Variants in SHANK2 observed in about 807,000 individuals in gnomAD.
The protein encoded by SHANK2 is SH3 and multiple ankyrin repeat domains 2.
A neutral mutation model predicts 133.7 loss-of-function variants in SHANK2; 43 were observed. The observed-to-expected ratio is 0.32, with a 90% CI of 0.25 to 0.41. SHANK2 has a LOEUF of 0.41. SHANK2 is among the 10% of genes least tolerant of loss of function. The probability of loss-of-function intolerance (pLI) is 1.00; values close to 1 mark genes in which losing one functional copy is unlikely to be tolerated. For synonymous variants in SHANK2, 1,017 were observed against 952.8 expected (o/e 1.07, Z -1.24); for missense variants, 1,994 against 2,235.8 (o/e 0.89, Z 2.18).
chr11:70,811,541 C>A (rs1440018034), intron 12 of SHANK2, among the ~76,000 whole-genome samples: 1 of 151,976 alleles, frequency 6.6e-6, no homozygotes, highest in East Asian at 1.9e-4. Flanking sequence ...ACCCACTCAT[C>A]CACCCACTAT....
At chr11:70,505,229 A>G (rs1375086264) in intron 17 of SHANK2, among the ~76,000 whole-genome samples, 3 of 152,092 alleles carry the variant, frequency 2.0e-5, no homozygotes, top group Non-Finnish European at 2.9e-5. Flanking sequence ...AGAAAAGGCC[A>G]AGGCCTGAGA....
chr11:70,541,374 T>C (rs1331212258), intron 17 of SHANK2, among the ~76,000 whole-genome samples: 1 of 152,244 alleles, frequency 6.6e-6, no homozygotes, highest in Non-Finnish European at 1.5e-5. Context: ...CCAACCATCC[T>C]TGGCTTCATC....
chr11:70,604,569 G>A (rs1433159228), intron 17 of SHANK2: 1 of 152,264 alleles, frequency 6.6e-6, no homozygotes, highest in African/African-American at 2.4e-5. Context: ...AGACCTCCTG[G>A]TGAGTGGTTG....
chr11:70,942,560 A>T, intron 10 of SHANK2: 1 of 456,724 alleles, frequency 2.2e-6, no homozygotes, highest in Non-Finnish European at 4.4e-6. Flanking sequence ...TTTCAACATG[A>T]GATTTGGTGG....
At chr11:70,943,112 C>T in intron 10 of SHANK2, 1 of 456,424 alleles carries the variant, frequency 2.2e-6, no homozygotes, top group South Asian at 1.6e-5. Flanking sequence ...GTTCACCTGG[C>T]AAAGGTGGTG....
chr11:70,867,321 G>A (rs1214111853), intron 11 of SHANK2, among the ~76,000 whole-genome samples: 4 of 152,220 alleles, frequency 2.6e-5, no homozygotes, highest in African/African-American at 9.6e-5. Flanking sequence ...GGACCAATGA[G>A]GAGAGTGCAC....
At chr11:70,532,897 G>A (rs987524174) in intron 17 of SHANK2, among the ~76,000 whole-genome samples, 2 of 147,332 alleles carry the variant, frequency 1.4e-5, no homozygotes, top group Non-Finnish European at 3.0e-5. Context: ...CTCTGTGGTC[G>A]AGCCATACAG....
intron 17 of SHANK2, chr11:70,571,214 G>T (rs2060041446): frequency 1.3e-5 from 2 of 152,302 alleles, no homozygotes; most frequent in Admixed American, 1.3e-4. Flanking sequence ...ACTCTCCATT[G>T]CCCTGCAGAA....
chr11:71,232,091 T>C (rs375843070), intron 1 of SHANK2, among the ~76,000 whole-genome samples: 3 of 152,204 alleles, frequency 2.0e-5, no homozygotes, highest in Middle Eastern at 3.4e-3. Context: ...CTCTAGAAAG[T>C]TGTGCTGACC....
At chr11:70,722,755 C>A (rs1946097325) in intron 14 of SHANK2, among the ~76,000 whole-genome samples, 1 of 152,104 alleles carries the variant, frequency 6.6e-6, no homozygotes, top group Non-Finnish European at 1.5e-5. Flanking sequence ...CCACTACCTC[C>A]TAACATAGTG....
chr11:70,594,388 G>C (rs557836106), intron 17 of SHANK2, among the ~76,000 whole-genome samples: 2 of 152,262 alleles, frequency 1.3e-5, no homozygotes, highest in East Asian at 3.9e-4. Flanking sequence ...TCACACAGTT[G>C]GCCCTGAGGA....
intron 11 of SHANK2, chr11:70,863,522 C>G (rs1555068359): frequency 4.4e-6 from 2 of 457,960 alleles, no homozygotes; most frequent in South Asian, 3.1e-5. Flanking sequence ...CCCACCTGCT[C>G]CCATGCAAAT....
chr11:70,619,725 T>TCCC (rs146167410), intron 17 of SHANK2, among the ~76,000 whole-genome samples: 2,458 of 152,200 alleles, frequency 0.016, 68 homozygotes, highest in African/African-American at 0.057. Context: ...GCCCCTCTCT[T>TCCC]CCCCATCTCC....
chr11:71,092,318 A>G, intron 8 of SHANK2, 104 bp downstream of exon 8: 1 of 1,261,210 alleles, frequency 7.9e-7, no homozygotes, highest in Non-Finnish European at 1.1e-6. Flanking sequence ...AAAATACCTG[A>G]AGGCAGGATC....
At chr11:71,127,291 A>G (rs1318095332) in intron 3 of SHANK2, among the ~76,000 whole-genome samples, 1 of 152,220 alleles carries the variant, frequency 6.6e-6, no homozygotes, top group Non-Finnish European at 1.5e-5. Flanking sequence ...GATGCTATGA[A>G]CACTGTTGAA....
chr11:71,208,647 A>G (rs11232573), intron 2 of SHANK2, among the ~76,000 whole-genome samples: 57,101 of 151,818 alleles, frequency 0.38, 12,949 homozygotes, highest in East Asian at 0.64. Flanking sequence ...CAGTCTCTGG[A>G]ATACGAAACA....
chr11:70,905,915 G>A (rs925244529), intron 10 of SHANK2, among the ~76,000 whole-genome samples: 1 of 151,444 alleles, frequency 6.6e-6, no homozygotes, highest in Non-Finnish European at 1.5e-5. Context: ...GGGTTCAAGC[G>A]ATTCTCCTGC....
intron 2 of SHANK2, among the ~76,000 whole-genome samples, chr11:71,183,860 AT>A (rs1462702659): frequency 6.6e-6 from 1 of 152,212 alleles, no homozygotes; most frequent in Non-Finnish European, 1.5e-5. Flanking sequence ...GGCCAAGTTT[AT>A]TGGGGAGAGG....
chr11:70,855,059 T>TCCA (rs1301054201), intron 11 of SHANK2, among the ~76,000 whole-genome samples: 2 of 152,234 alleles, frequency 1.3e-5, no homozygotes, highest in Non-Finnish European at 2.9e-5. Flanking sequence ...ACACTCTCAG[T>TCCA]GACCTGCTAA....
Sources: gnomAD v4.1 joint callset for allele counts (sites outside exome capture counted in the v4.1 genomes callset) on GRCh38, gnomAD v4.1.1 for gene constraint, MANE v1.5 for transcripts, NCBI Gene and HGNC (gene_info 2026-07-23, HGNC 2026-07-21) for gene names.